The following SNX6 variants were observed in gnomAD, a reference collection of about 807,000 sequenced individuals.
The protein encoded by SNX6 is sorting nexin 6.
In SNX6, 34 loss-of-function variants were observed where a neutral mutation model predicts 63.0. That is an observed-to-expected ratio of 0.54 (90% CI 0.41 to 0.72). The LOEUF is 0.72. SNX6 is among the 30% of genes least tolerant of loss of function. The pLI is 0.00. For missense variants in SNX6, 398 were observed against 471.4 expected, an observed-to-expected ratio of 0.84 and a Z score of 1.44; for synonymous variants, 170 against 164.2, an observed-to-expected ratio of 1.04 and a Z score of -0.27.
At chr14:34,586,348 T>C (rs953030884) in intron 8 of SNX6, 43 bp from the exon 9 acceptor site, 6 of 1,288,928 alleles carry the variant, frequency 4.7e-6, no homozygotes, top group East Asian at 2.3e-5. Flanking sequence ...TATTCATAGA[T>C]TTAAAAATAC....
intron 10 of SNX6, among the ~76,000 whole-genome samples, chr14:34,580,458 C>T (rs1257664040): frequency 6.6e-6 from 1 of 151,376 alleles, no homozygotes; most frequent in Non-Finnish European, 1.5e-5. Context: ...TGCGCCACCA[C>T]GCCTGGCTAA....
intron 11 of SNX6, among the ~76,000 whole-genome samples, chr14:34,571,484 T>C (rs1163118071): frequency 2.0e-5 from 3 of 151,538 alleles, no homozygotes; most frequent in African/African-American, 4.9e-5. Flanking sequence ...CTTAAGCGCA[T>C]GTAACTAAAT....
intron 2 of SNX6, among the ~76,000 whole-genome samples, chr14:34,623,421 AAG>A (rs1883702155): frequency 6.6e-6 from 1 of 152,172 alleles, no homozygotes; most frequent in African/African-American, 2.4e-5. Flanking sequence ...ATGTTAGCCT[AAG>A]GAGTTTGGAC....
chr14:34,629,508 T>G, intron 2 of SNX6: 2 of 494,804 alleles, frequency 4.0e-6, no homozygotes, highest in Non-Finnish European at 7.9e-6. Context: ...GTTCGAGATG[T>G]CCACACCGGG....
chr14:34,620,758 T>C (rs949870152), intron 2 of SNX6, among the ~76,000 whole-genome samples: 4 of 152,002 alleles, frequency 2.6e-5, no homozygotes, highest in Admixed American at 6.6e-5. Context: ...CTGGGCAACA[T>C]AGCGAAACCC....
rs376467744 is a variant in SNX6, at chr14:34,626,855, C to T, written c.54+3052G>A. ...TTAAGATCCTCCAAGAAAGCAAATC[C>T]TGTTTGCTTGTGCTAGTAGACACCA... On this transcript the variant is annotated intron_variant, in intron 2 of 13. Coordinates refer to ENST00000362031, the MANE Select transcript of SNX6 (RefSeq NM_152233.4). 3.9e-5 allele frequency among the ~76,000 whole-genome samples: 6 copies of T among 152,058 alleles called. No individual in the cohort carries two copies. The East Asian group carries it at 7.7e-4, about 20-fold the overall frequency.
rs1164981849 is a variant in SNX6, at chr14:34,605,699, TTGG to T, written c.286_288del (p.Pro96del). The T allele has an allele frequency of 6.2e-7, 1 of 1,607,276 alleles. No individual in the cohort carries two copies. The highest frequency in any genetic ancestry group is 8.5e-7 in the Non-Finnish European group (1 of 1,178,146). On this transcript the variant is annotated inframe_deletion, in exon 5 of 14. Transcript: ENST00000362031. Reference sequence around the variant, plus strand: ...TCCCTTGAAGCATCAAAATCAGGTCTTGGTGGTGCTGGTGGAATCTGTAACAGG... The same window carrying T: ...TCCCTTGAAGCATCAAAATCAGGTCTTGGTGCTGGTGGAATCTGTAACAGG...
intron 2 of SNX6, among the ~76,000 whole-genome samples, chr14:34,610,340 G>A (rs1244937808): frequency 2.8e-5 from 3 of 105,872 alleles, no homozygotes; most frequent in African/African-American, 1.2e-4. Flanking sequence ...GGATGACAGA[G>A]CAAAACCGTC....
chr14:34,613,272 G>C (rs1883300896), intron 2 of SNX6, among the ~76,000 whole-genome samples: 1 of 152,200 alleles, frequency 6.6e-6, no homozygotes, highest in African/African-American at 2.4e-5. Context: ...TCAGCTCAGT[G>C]ATACTGATTT....
chr14:34,600,420 C>T (rs900360209), intron 6 of SNX6, among the ~76,000 whole-genome samples: 5 of 151,518 alleles, frequency 3.3e-5, no homozygotes, highest in African/African-American at 4.9e-5. Context: ...CCACCGCACC[C>T]GGCATTTTTC....
intron 2 of SNX6, among the ~76,000 whole-genome samples, chr14:34,623,343 A>G (rs1375172214): frequency 6.6e-6 from 1 of 152,114 alleles, no homozygotes; most frequent in Non-Finnish European, 1.5e-5. Flanking sequence ...AATGGGGAGT[A>G]GACTAGAATA....
chr14:34,593,609 G>A (rs950189501), intron 7 of SNX6, among the ~76,000 whole-genome samples: 6 of 140,988 alleles, frequency 4.3e-5, no homozygotes, highest in Non-Finnish European at 7.6e-5. Context: ...GTCTCGCTCT[G>A]TCACCAGGCT....
chr14:34,595,946 G>A (rs1360656343), intron 7 of SNX6, among the ~76,000 whole-genome samples: 1 of 152,076 alleles, frequency 6.6e-6, no homozygotes, highest in Admixed American at 6.6e-5. Context: ...TCGGCCGGGC[G>A]CGGTGGCTCA....
chr14:34,614,305 C>G (rs576931652), intron 2 of SNX6, among the ~76,000 whole-genome samples: 1 of 151,848 alleles, frequency 6.6e-6, no homozygotes, highest in East Asian at 1.9e-4. Context: ...ATTAGCCCAG[C>G]CTGGTGGGAC....
chr14:34,584,313 T>A (rs1882062504), intron 9 of SNX6, among the ~76,000 whole-genome samples: 1 of 151,972 alleles, frequency 6.6e-6, no homozygotes, highest in Non-Finnish European at 1.5e-5. Context: ...TAATTTTTAG[T>A]TTTTTTGAAA....
intron 6 of SNX6, among the ~76,000 whole-genome samples, chr14:34,598,849 A>G (rs1038342728): frequency 6.6e-6 from 1 of 152,156 alleles, no homozygotes; most frequent in African/African-American, 2.4e-5. Flanking sequence ...GCACCTGTGA[A>G]TAGCCACTGC....
rs146083117 is a variant in SNX6, at chr14:34,603,898, C to T, written c.393-427G>A. 2.7e-3 allele frequency among the ~76,000 whole-genome samples: 414 copies of T among 152,072 alleles called. 2 individuals carry two copies. Among genetic ancestry groups the T allele is most frequent in the South Asian group, 0.013 (62 of 4,818 alleles). Reference sequence around the variant, plus strand: ...CAAACCTCGGTGAGCATATTTTCAACGTTAATAATTATTTTCATCTAATTA... The same window carrying T: ...CAAACCTCGGTGAGCATATTTTCAATGTTAATAATTATTTTCATCTAATTA... On this transcript the variant is annotated intron_variant, in intron 5 of 13. Transcript: ENST00000362031.
chr14:34,568,648 T>TC (rs974698606), intron 11 of SNX6: 2 of 793,358 alleles, frequency 2.5e-6, no homozygotes, highest in African/African-American at 3.5e-5. Flanking sequence ...TTTTTTTTTT[T>TC]TTAACGAATG....
Position 34,562,169 on chromosome 14 carries a change from CTA to C in SNX6, c.*951_*952del, listed in dbSNP as rs1390261010. On this transcript the variant is annotated 3_prime_UTR_variant, in exon 14 of 14. Coordinates refer to ENST00000362031, the MANE Select transcript of SNX6 (RefSeq NM_152233.4). ...CATAACTACTAAGTGGCTCAATGGC[CTA>C]TGTCTCATGCTTAATTGGCTGAGCT... is the stretch of plus-strand genomic sequence containing the variant. 3 of 151,054 alleles carry C rather than the reference CTA, an allele frequency of 2.0e-5. No homozygotes were observed. Among genetic ancestry groups the C allele is most frequent in the Non-Finnish European group, 4.4e-5 (3 of 67,862 alleles). The allele number at this position is 151,054 out of a possible 1,614,324, so 9.4% of individuals were successfully genotyped here. A position where few individuals can be genotyped will look rare whatever the true frequency, so the allele number is the denominator to read the frequency against.
Sources: allele counts gnomAD v4.1 joint callset (sites outside exome capture counted in the v4.1 genomes callset), GRCh38; gene constraint gnomAD v4.1.1; transcripts MANE v1.5; gene names NCBI Gene and HGNC (gene_info 2026-07-23, HGNC 2026-07-21).